ADGRE3: variants seen among roughly 807,000 people sequenced by gnomAD.
ADGRE3 encodes adhesion G protein-coupled receptor E3.
ADGRE3 carries 88 observed loss-of-function variants against 80.1 expected under a neutral mutation model. The observed-to-expected ratio is 1.10, with a 90% CI of 0.93 to 1.31. The LOEUF (loss-of-function observed/expected upper bound fraction) is 1.31. Ranked by LOEUF, ADGRE3 falls within the 40% of genes most tolerant of loss-of-function variation. ADGRE3 has a pLI of 0.00. For synonymous variants in ADGRE3, 281 were observed against 294.8 expected, an observed-to-expected ratio of 0.95 and a Z score of 0.48; for missense variants, 715 against 776.5, an observed-to-expected ratio of 0.92 and a Z score of 0.94.
At chr19:14,637,393 CTTTTT>C (rs34233724) in intron 11 of ADGRE3, among the ~76,000 whole-genome samples, 3 of 127,596 alleles carry the variant, frequency 2.4e-5, no homozygotes, top group African/African-American at 5.8e-5. Flanking sequence ...TTTTTAAGCT[CTTTTT>C]TTTTTTTTTT....
the ADGRE3 span, chr19:14,606,975 T>TGGAATTTTTATTTGC: frequency 8.0e-7 from 1 of 1,244,406 alleles, no homozygotes; most frequent in Non-Finnish European, 1.0e-6. Context: ...GCTGGCTGAA[T>TGGAATTTTTATTTGC]GGAATTTTTA....
At chr19:14,633,171 C>A (rs1970931862) in intron 12 of ADGRE3, 65 bp downstream of exon 12, 2 of 1,451,658 alleles carry the variant, frequency 1.4e-6, no homozygotes, top group Non-Finnish European at 1.9e-6. Context: ...GCCCCTTGTA[C>A]CATCTTGTAC....
At chr19:14,610,122 A>G in the ADGRE3 span, 2 of 1,611,376 alleles carry the variant, frequency 1.2e-6, no homozygotes, top group Non-Finnish European at 1.7e-6. Context: ...TACCATGAAC[A>G]AAGGTGGCAC....
rs568804232 is a variant in ADGRE3, at chr19:14,647,345, T to C, written c.718A>G (p.Ile240Val). 1 of 1,610,432 alleles carries C rather than the reference T, an allele frequency of 6.2e-7. No homozygotes were observed. The highest frequency in any genetic ancestry group is 2.2e-5 in the East Asian group (1 of 44,846). The change falls in exon 8 of 16, where the codon ATC becomes GTC. Residue 240 changes from isoleucine to valine, a missense_variant. Physicochemically the swap from Ile to Val is conservative, Grantham distance 29 (BLOSUM62 3). Coordinates refer to ENST00000253673, the MANE Select transcript of ADGRE3 (RefSeq NM_032571.5). ...DTQGPSAIAF[I>V]SYSSLGNIIN... Reference sequence around the variant, plus strand: ...ATGTTTCCAAGAGAAGAATATGAGATAAAGGCAATGGCACTGGGACCTGAG... The same window carrying C: ...ATGTTTCCAAGAGAAGAATATGAGACAAAGGCAATGGCACTGGGACCTGAG...
At chr19:14,662,709 A>G (rs889267560) in intron 3 of ADGRE3, among the ~76,000 whole-genome samples, 2 of 151,982 alleles carry the variant, frequency 1.3e-5, no homozygotes, top group African/African-American at 4.8e-5. Flanking sequence ...ATCTTAAATG[A>G]ACGGCCAAGT....
rs530592487 is a variant in ADGRE3, at chr19:14,653,072, C to T, written c.578-1868G>A. Reference sequence around the variant, plus strand: ...CTCTCAGCTAACTGCAACCTCTGTCCCCCGGGTTCAAGCGATTCTCCTTCC... The same window carrying T: ...CTCTCAGCTAACTGCAACCTCTGTCTCCCGGGTTCAAGCGATTCTCCTTCC... On this transcript the variant is annotated intron_variant, in intron 6 of 15. Coordinates refer to ENST00000253673, the MANE Select transcript of ADGRE3 (RefSeq NM_032571.5). Among the ~76,000 whole-genome samples the T allele has an allele frequency of 5.3e-5, 8 of 151,360 alleles. No individual in the cohort carries two copies. In the East Asian group the frequency reaches 1.6e-3, roughly 30 times the overall value.
chr19:14,671,987 T>C (rs974559054), intron 1 of ADGRE3, among the ~76,000 whole-genome samples: 14 of 152,164 alleles, frequency 9.2e-5, no homozygotes, highest in Admixed American at 6.5e-4. Context: ...TGGCCTCAAG[T>C]GATCCTCCTT....
intron 2 of ADGRE3, among the ~76,000 whole-genome samples, chr19:14,668,104 ATTAGCCCACAGTGGCACGTGTCT>A (rs1352622958): frequency 6.6e-6 from 1 of 152,022 alleles, no homozygotes; most frequent in Non-Finnish European, 1.5e-5. Context: ...AAATGCAAAA[ATTAGCCCACAGTGGCACGTGTCT>A]TTAGTCCCAG....
intron 11 of ADGRE3, among the ~76,000 whole-genome samples, chr19:14,637,049 G>A (rs561621321): frequency 7.0e-4 from 106 of 152,172 alleles, no homozygotes; most frequent in Middle Eastern, 3.4e-3. Context: ...AGCCAAGACC[G>A]TGCCATTGGA....
In ADGRE3 at chr19:14,643,715, A is replaced by AT. The variant is rs796169416; in HGVS notation, c.1050+392dup. Among the ~76,000 whole-genome samples the AT allele has an allele frequency of 2.7e-3, 386 of 143,374 alleles. 1 individual carries two copies. Among genetic ancestry groups the AT allele is most frequent in the African/African-American group, 7.7e-3 (302 of 39,148 alleles). 94.1% of individuals were successfully genotyped at this position (143,374 alleles called of 152,430 possible). On this transcript the variant is annotated intron_variant, in intron 9 of 15. Coordinates refer to ENST00000253673, the MANE Select transcript of ADGRE3 (RefSeq NM_032571.5). ...TACCTTGCGTCTTTTCCACATGTTG[A>AT]TTTTTTTTTTTTTGAGATGGAGTCT...
At chr19:14,643,348 G>A (rs1242398438) in intron 9 of ADGRE3, among the ~76,000 whole-genome samples, 2 of 151,904 alleles carry the variant, frequency 1.3e-5, no homozygotes, top group East Asian at 3.9e-4. Context: ...GTTTCACCAT[G>A]TTGGTCAGGA....
chr19:14,604,296 T>C, the ADGRE3 span, among the ~76,000 whole-genome samples: 2 of 152,158 alleles, frequency 1.3e-5, no homozygotes, highest in Admixed American at 1.3e-4. Context: ...AGATACCAGA[T>C]TCTTCTCTCT....
chr19:14,656,755 C>T (rs1029549090), intron 5 of ADGRE3, among the ~76,000 whole-genome samples: 21 of 152,092 alleles, frequency 1.4e-4, no homozygotes, highest in South Asian at 8.3e-4. Flanking sequence ...TGTCTATGTC[C>T]GCAGCTTGAT....
At chr19:14,660,885 G>C (rs563933342) in intron 4 of ADGRE3, among the ~76,000 whole-genome samples, 6 of 150,454 alleles carry the variant, frequency 4.0e-5, no homozygotes, top group Admixed American at 3.3e-4. Flanking sequence ...CTCTTTGGTT[G>C]GTTGGGGCAA....
At chr19:14,669,804 A>AT (rs943158228) in intron 1 of ADGRE3, among the ~76,000 whole-genome samples, 1 of 151,996 alleles carries the variant, frequency 6.6e-6, no homozygotes, top group African/African-American at 2.4e-5. Context: ...GACTATTATT[A>AT]TTTTTTTGGG....
intron 5 of ADGRE3, 55 bp downstream of exon 5, chr19:14,658,458 A>G (rs372731586): frequency 5.8e-5 from 82 of 1,413,732 alleles, no homozygotes; most frequent in Non-Finnish European, 7.0e-5. Context: ...CTTTGTAAAT[A>G]TTTGTTACTG....
the ADGRE3 span, among the ~76,000 whole-genome samples, chr19:14,613,343 T>A: frequency 2.0e-5 from 3 of 151,862 alleles, no homozygotes. Context: ...GTCCTCAGAC[T>A]CCTGTATAAC....
intron 15 of ADGRE3, 35 bp downstream of exon 15, chr19:14,625,457 G>A (rs1319577036): frequency 1.5e-6 from 2 of 1,338,224 alleles, no homozygotes; most frequent in Non-Finnish European, 1.1e-6. Context: ...AGAGGAGTAT[G>A]TAAAACATTA....
intron 13 of ADGRE3, among the ~76,000 whole-genome samples, chr19:14,631,026 C>A (rs1970867731): frequency 6.6e-6 from 1 of 151,894 alleles, no homozygotes; most frequent in Non-Finnish European, 1.5e-5. Flanking sequence ...GGCACGTCAC[C>A]ACACCCAGCT....
Sources: gnomAD v4.1 joint callset for allele counts (sites outside exome capture counted in the v4.1 genomes callset) on GRCh38, gnomAD v4.1.1 for gene constraint, MANE v1.5 for transcripts, NCBI Gene and HGNC (gene_info 2026-07-23, HGNC 2026-07-21) for gene names.